ANOS1: variants seen among roughly 807,000 people sequenced by gnomAD.
The protein encoded by ANOS1 is anosmin-1.
Under a neutral mutation model 59.0 loss-of-function variants are expected in ANOS1, and 6 were observed. The ratio of observed to expected loss-of-function variants is 0.10; its 90% CI spans 0.06 to 0.20. The LOEUF (loss-of-function observed/expected upper bound fraction) is 0.20, where lower values mean the gene tolerates loss of function less well. Among genes scored for constraint, ANOS1 ranks in the 10% least tolerant of loss-of-function variants. ANOS1 has a pLI of 1.00. For synonymous variants in ANOS1, 217 were observed against 223.4 expected (o/e 0.97, Z 0.25); for missense variants, 433 against 542.3 (o/e 0.80, Z 2.00).
chrX:8,614,415 T>C (rs1167630763), intron 3 of ANOS1, among the ~76,000 whole-genome samples: 1 of 111,617 alleles, frequency 9.0e-6, no homozygotes, highest in East Asian at 2.8e-4. Context: ...TTTTATTCTA[T>C]AACGCAGAGT....
intron 2 of ANOS1, among the ~76,000 whole-genome samples, chrX:8,662,934 G>A (rs1256399699): frequency 1.8e-5 from 2 of 112,381 alleles, no homozygotes; most frequent in East Asian, 2.8e-4. Context: ...TGAGGCAGGA[G>A]AATCGCTTGA....
chrX:8,665,942 C>G (rs1418410429), intron 2 of ANOS1, among the ~76,000 whole-genome samples: 1 of 111,738 alleles, frequency 8.9e-6, no homozygotes, highest in Non-Finnish European at 1.9e-5. Flanking sequence ...TGGCCAACAC[C>G]TATGATGCTT....
rs191022329 is a variant in ANOS1, at chrX:8,625,237, C to T, written c.256-1567G>A. ...AATGTTACATTCATATGCATGGAAA[C>T]TTGATCCTCAAAATTATATTTAATG... On this transcript the variant is annotated intron_variant, in intron 2 of 13. Coordinates refer to ENST00000262648, the MANE Select transcript of ANOS1 (RefSeq NM_000216.4). Among the ~76,000 whole-genome samples, 289 of 111,927 alleles carry T rather than the reference C, an allele frequency of 2.6e-3. 1 individual carries two copies. The highest frequency in any genetic ancestry group is 9.0e-3 in the African/African-American group (279 of 30,873).
At chrX:8,629,360 T>C (rs749113909) in intron 2 of ANOS1, among the ~76,000 whole-genome samples, 5 of 112,013 alleles carry the variant, frequency 4.5e-5, no homozygotes, top group African/African-American at 1.6e-4. Flanking sequence ...ATTGGGGCAA[T>C]TGGGATTGAA....
intron 1 of ANOS1, among the ~76,000 whole-genome samples, chrX:8,709,709 G>A (rs781662422): frequency 8.0e-5 from 9 of 111,951 alleles, no homozygotes; most frequent in Admixed American, 3.8e-4. Context: ...CTTAACTGTT[G>A]TAGGTGTTGT....
chrX:8,710,098 T>C (rs1019397096), intron 1 of ANOS1, among the ~76,000 whole-genome samples: 2 of 110,334 alleles, frequency 1.8e-5, no homozygotes, highest in Non-Finnish European at 3.8e-5. Context: ...GCCTGGCTAA[T>C]TTTTTGTATT....
chrX:8,632,228 T>C (rs920624463), intron 2 of ANOS1, among the ~76,000 whole-genome samples: 1 of 112,267 alleles, frequency 8.9e-6, no homozygotes, highest in African/African-American at 3.2e-5. Context: ...TCAAGCTAAA[T>C]GATTTTTTCC....
chrX:8,539,633 G>A (rs1278437705), intron 10 of ANOS1, 31 bp downstream of exon 10: 13 of 1,210,894 alleles, frequency 1.1e-5, no homozygotes, highest in Non-Finnish European at 1.3e-5. Flanking sequence ...TATGTTCACA[G>A]ATCAAGTTGG....
At chrX:8,574,418 A>C (rs773525814) in intron 6 of ANOS1, among the ~76,000 whole-genome samples, 10 of 111,232 alleles carry the variant, frequency 9.0e-5, no homozygotes, top group African/African-American at 3.3e-4. Flanking sequence ...TGAAGGATGC[A>C]AAGTGTTGAT....
chrX:8,705,669 A>T (rs1407416371), intron 1 of ANOS1, among the ~76,000 whole-genome samples: 1 of 112,028 alleles, frequency 8.9e-6, no homozygotes, highest in Admixed American at 9.5e-5. Flanking sequence ...AAATACAAGA[A>T]TCCAGTATAT....
chrX:8,558,977 G>A (rs1343173617), intron 8 of ANOS1, among the ~76,000 whole-genome samples: 1 of 112,461 alleles, frequency 8.9e-6, no homozygotes, highest in African/African-American at 3.2e-5. Flanking sequence ...AGCTCTTTCT[G>A]GCAGTAATTA....
At chrX:8,579,328 A>C (rs1930382086) in intron 6 of ANOS1, among the ~76,000 whole-genome samples, 1 of 111,603 alleles carries the variant, frequency 9.0e-6, no homozygotes, top group South Asian at 3.8e-4. Context: ...AGTGAACAAT[A>C]ATGTAAAGCT....
intron 7 of ANOS1, 47 bp from the exon 8 acceptor site, chrX:8,568,423 GTC>G: frequency 9.0e-7 from 1 of 1,116,714 alleles, no homozygotes. Flanking sequence ...AACCTTCCAC[GTC>G]TCTCATCTTC....
At chrX:8,617,605 A>G (rs139340376) in intron 3 of ANOS1, among the ~76,000 whole-genome samples, 3,629 of 110,031 alleles carry the variant, frequency 0.033, 122 homozygotes, top group African/African-American at 0.1. Flanking sequence ...ACATGGTGAA[A>G]CCCCGTCTCT....
In ANOS1 at chrX:8,621,448, T is replaced by C. The variant is rs73465322; in HGVS notation, c.318+2160A>G. Among the ~76,000 whole-genome samples, 103 of 111,736 alleles carry C rather than the reference T, an allele frequency of 9.2e-4. 1 individual carries two copies. Among genetic ancestry groups the C allele is most frequent in the African/African-American group, 3.3e-3 (101 of 30,769 alleles). On this transcript the variant is annotated intron_variant, in intron 3 of 13. Coordinates refer to ENST00000262648, the MANE Select transcript of ANOS1 (RefSeq NM_000216.4). ...AAAATTAAAGTTAAGAGCACAACAG[T>C]CACTCCACTAGACAGTGTGCTCTAA...
chrX:8,680,291 T>C lies in ANOS1; in HGVS notation c.255+19407A>G, dbSNP rs1416766980. Among the ~76,000 whole-genome samples the C allele has an allele frequency of 2.7e-5, 3 of 109,313 alleles. No homozygotes were observed. The Admixed American group carries it at 3.0e-4, about 11-fold the overall frequency. The allele number at this position is 109,313 out of a possible 115,157, so 94.9% of individuals were successfully genotyped here. On this transcript the variant is annotated intron_variant, in intron 2 of 13. Transcript: ENST00000262648. ...TGGGCTGCAATGATGTGATCATAGCTCTCAGTGGTAAATTTTATGTTTTGT... is the reference window on the plus strand; with the variant it reads ...TGGGCTGCAATGATGTGATCATAGCCCTCAGTGGTAAATTTTATGTTTTGT...
intron 8 of ANOS1, among the ~76,000 whole-genome samples, chrX:8,562,233 G>T (rs933672266): frequency 2.7e-5 from 3 of 111,527 alleles, no homozygotes; most frequent in Admixed American, 9.5e-5. Context: ...GAGCTACCGC[G>T]CCCAGCCCTA....
chrX:8,686,039 A>G (rs1055689533), intron 2 of ANOS1, among the ~76,000 whole-genome samples: 3 of 111,792 alleles, frequency 2.7e-5, no homozygotes, highest in Non-Finnish European at 5.6e-5. Context: ...TTCATAATTT[A>G]AGTTGTGTTC....
intron 1 of ANOS1, among the ~76,000 whole-genome samples, chrX:8,729,796 C>T (rs1201807403): frequency 9.5e-6 from 1 of 105,308 alleles, no homozygotes; most frequent in Non-Finnish European, 1.9e-5. Context: ...GAATGTGTTG[C>T]TGGCTTTTCA....
Sources: gnomAD v4.1 joint callset for allele counts (sites outside exome capture counted in the v4.1 genomes callset) on GRCh38, gnomAD v4.1.1 for gene constraint, MANE v1.5 for transcripts, NCBI Gene and HGNC (gene_info 2026-07-23, HGNC 2026-07-21) for gene names.